Variants in EFCAB10 observed in about 807,000 individuals in gnomAD.
The protein encoded by EFCAB10 is EF-hand calcium-binding domain-containing protein 10.
EFCAB10 carries 7 observed loss-of-function variants against 7.7 expected under a neutral mutation model. That is an observed-to-expected ratio of 0.91 (90% confidence interval 0.52 to 1.72). The LOEUF (loss-of-function observed/expected upper bound fraction) is 1.72. Among genes scored for constraint, EFCAB10 ranks in the 40% most tolerant of loss-of-function variants. The pLI is 0.00. For synonymous variants in EFCAB10, 52 were observed against 21.0 expected (o/e 2.47, Z -4.03); for missense variants, 112 against 61.5 (o/e 1.82, Z -2.74).
intron 1 of EFCAB10, among the ~76,000 whole-genome samples, chr7:105,577,241 T>A (rs187961184): frequency 3.8e-4 from 58 of 152,288 alleles, no homozygotes; most frequent in Admixed American, 3.7e-3. Context: ...TTTTGCCAGA[T>A]GGGTGCAAGG....
chr7:105,567,331 T>C lies in EFCAB10; in HGVS notation c.383+136A>G, dbSNP rs375342336. On this transcript the variant is annotated intron_variant, in intron 4 of 4. Transcript: ENST00000480514. ...AAATAATGTCTTTCAGAAAAAGGTT[T>C]CTTTGGTTTTTGTTTCTAAGAAAGA... The C allele has an allele frequency of 6.5e-6, 10 of 1,545,260 alleles. No homozygotes were observed. The African/African-American group carries it at 1.4e-4, about 21-fold the overall frequency.
chr7:105,570,211 CAAAAAAAAAAAAAAAA>C (rs1178986135), intron 1 of EFCAB10, among the ~76,000 whole-genome samples: 5 of 17,342 alleles, frequency 2.9e-4, no homozygotes, highest in African/African-American at 7.9e-4. Flanking sequence ...AAGACTCTCT[CAAAAAAAAAAAAAAAA>C]AAAAAAAAAA....
At chr7:105,573,123 T>C (rs1482736435) in intron 1 of EFCAB10, 1 of 152,116 alleles carries the variant, frequency 6.6e-6, no homozygotes, top group Non-Finnish European at 1.5e-5. Flanking sequence ...TCAGTTTATG[T>C]TTTTAAATCT....
At chr7:105,574,787 A>G (rs1792034379) in intron 1 of EFCAB10, among the ~76,000 whole-genome samples, 1 of 151,368 alleles carries the variant, frequency 6.6e-6, no homozygotes, top group South Asian at 2.1e-4. Context: ...CCAGCCAGAA[A>G]CTCCTGTTTT....
At chr7:105,570,268 T>TATATATATATATATATACAC (rs1188257284) in intron 1 of EFCAB10, among the ~76,000 whole-genome samples, 8 of 66,446 alleles carry the variant, frequency 1.2e-4, no homozygotes, top group Admixed American at 2.4e-4. Context: ...TATATATATA[T>TATATATATATATATATACAC]ACACACACAC....
chr7:105,574,487 A>G (rs1480342041), intron 1 of EFCAB10, among the ~76,000 whole-genome samples: 3 of 147,090 alleles, frequency 2.0e-5, no homozygotes, highest in Non-Finnish European at 1.5e-5. Flanking sequence ...TGTGCAGGGA[A>G]GCTCCTTTTT....
chr7:105,580,548 C>A (rs1280719335), intron 1 of EFCAB10, among the ~76,000 whole-genome samples: 1 of 151,894 alleles, frequency 6.6e-6, no homozygotes, highest in African/African-American at 2.4e-5. Flanking sequence ...CATCTCGTGC[C>A]CGGCCTTTTT....
chr7:105,567,362 C>A (rs2133498895), intron 4 of EFCAB10, 105 bp downstream of exon 4: 3 of 1,250,162 alleles, frequency 2.4e-6, no homozygotes, highest in Non-Finnish European at 3.4e-6. Context: ...AAAGAGGAAG[C>A]CAATTGGATT....
chr7:105,574,934 T>TAAAAAAAA (rs1209254689), intron 1 of EFCAB10, among the ~76,000 whole-genome samples: 7 of 103,544 alleles, frequency 6.8e-5, no homozygotes, highest in Non-Finnish European at 8.2e-5. Flanking sequence ...TATCCCTACT[T>TAAAAAAAA]AAAAAAAAAA....
At chr7:105,571,686 C>T (rs1791952325) in intron 1 of EFCAB10, 1 of 152,180 alleles carries the variant, frequency 6.6e-6, no homozygotes, top group African/African-American at 2.4e-5. Flanking sequence ...AAAATTTCAC[C>T]AGAAAGTCCT....
At chr7:105,565,831 G>A (rs1277122360) in intron 4 of EFCAB10, among the ~76,000 whole-genome samples, 3 of 152,178 alleles carry the variant, frequency 2.0e-5, no homozygotes, top group African/African-American at 4.8e-5. Context: ...TGTGACCCAT[G>A]ACCTCAAAAA....
chr7:105,580,553 CT>C (rs368271725), intron 1 of EFCAB10, among the ~76,000 whole-genome samples: 11 of 151,174 alleles, frequency 7.3e-5, no homozygotes, highest in Admixed American at 5.3e-4. Context: ...CGTGCCCGGC[CT>C]TTTTTTTTCT....
chr7:105,577,724 T>TC (rs1272651284), intron 1 of EFCAB10, among the ~76,000 whole-genome samples: 2 of 151,926 alleles, frequency 1.3e-5, no homozygotes, highest in Non-Finnish European at 2.9e-5. Context: ...AATTTTTTTT[T>TC]TTTTTTTTCC....
chr7:105,571,205 T>C (rs1791941549), intron 1 of EFCAB10: 1 of 152,192 alleles, frequency 6.6e-6, no homozygotes. Flanking sequence ...TGTGCCCTAA[T>C]TGAAGAGGAC....
chr7:105,570,588 A>G (rs905165017), intron 1 of EFCAB10, among the ~76,000 whole-genome samples: 2 of 150,220 alleles, frequency 1.3e-5, no homozygotes, highest in African/African-American at 4.9e-5. Flanking sequence ...TTTTTTTTTT[A>G]AGTTAGAGAC....
rs1337570289 is a variant in EFCAB10, at chr7:105,581,431, C to G, written c.33G>C (p.Ala11=). 2 of 703,122 alleles carry G rather than the reference C, an allele frequency of 2.8e-6. No homozygotes were observed. The highest frequency in any genetic ancestry group is 2.7e-5 in the East Asian group (1 of 37,288). The allele number at this position is 703,122 out of a possible 1,614,324, so 43.6% of individuals were successfully genotyped here. METSSRELQA[A]EYLEKHQIKE... ...TGATCTGATGCTTTTCCAAATACTC[C>G]GCGGCTTGGAGCTCCCTGCTGCTGG... The change falls in exon 1 of 5, where the codon GCG becomes GCC. Residue 11 remains alanine (A), a synonymous_variant. Coordinates refer to ENST00000480514, the MANE Select transcript of EFCAB10 (RefSeq NM_001355526.2).
intron 1 of EFCAB10, among the ~76,000 whole-genome samples, chr7:105,578,278 A>T (rs1792137440): frequency 6.6e-6 from 1 of 152,182 alleles, no homozygotes; most frequent in Non-Finnish European, 1.5e-5. Flanking sequence ...AGGAAATGTA[A>T]GTATAAGTCA....
At chr7:105,573,879 G>A (rs1211055203) in intron 1 of EFCAB10, among the ~76,000 whole-genome samples, 8 of 152,122 alleles carry the variant, frequency 5.3e-5, no homozygotes, top group African/African-American at 1.9e-4. Flanking sequence ...CTTCAATGGT[G>A]AAATCTAGTC....
chr7:105,567,041 T>C, intron 4 of EFCAB10: 1 of 873,000 alleles, frequency 1.1e-6, no homozygotes, highest in Non-Finnish European at 1.7e-6. Context: ...AGAGAAGCTG[T>C]TTAGGATTCT....
Sources: allele counts gnomAD v4.1 joint callset (sites outside exome capture counted in the v4.1 genomes callset), GRCh38; gene constraint gnomAD v4.1.1; transcripts MANE v1.5; gene names NCBI Gene and HGNC (gene_info 2026-07-23, HGNC 2026-07-21).